Variants in CTIF observed in about 807,000 individuals in gnomAD.
CTIF encodes cap binding complex dependent translation initiation factor.
Under a neutral mutation model 66.0 loss-of-function variants are expected in CTIF, and 21 were observed. The observed-to-expected ratio is 0.32, with a 90% CI of 0.23 to 0.46. CTIF has a LOEUF of 0.46. CTIF is among the 20% of genes least tolerant of loss of function. CTIF has a pLI of 1.00. For missense variants in CTIF, 739 were observed against 812.7 expected (o/e 0.91, Z 1.10); for synonymous variants, 345 against 326.4 (o/e 1.06, Z -0.62).
chr18:48,660,111 C>T (rs1169324141), intron 3 of CTIF, among the ~76,000 whole-genome samples: 2 of 131,508 alleles, frequency 1.5e-5, no homozygotes, highest in African/African-American at 2.9e-5. Flanking sequence ...CCAGGCTCCT[C>T]TGGGAATGGC....
chr18:48,785,924 C>T (rs1316100132), intron 9 of CTIF, among the ~76,000 whole-genome samples: 3 of 152,140 alleles, frequency 2.0e-5, no homozygotes, highest in Non-Finnish European at 4.4e-5. Flanking sequence ...ACCACTGCCC[C>T]CACCCATTTG....
rs1336196869 is a variant in CTIF, at chr18:48,762,499, GGTCCTGGGACT to G, written c.1371+816_1371+826del. Reference sequence around the variant, plus strand: ...GGGTCATGGGATGGTGGCCACATCAGGTCCTGGGACTGTCCTTGGAGACTCTTGGCTGGGGG... The same window carrying G: ...GGGTCATGGGATGGTGGCCACATCAGGTCCTTGGAGACTCTTGGCTGGGGG... On this transcript the variant is annotated intron_variant, in intron 9 of 11. Coordinates refer to ENST00000256413, the MANE Select transcript of CTIF (RefSeq NM_014772.3). Among the ~76,000 whole-genome samples the G allele has an allele frequency of 3.9e-5, 6 of 152,244 alleles. No homozygotes were observed. In the South Asian group the frequency reaches 8.3e-4, roughly 21 times the overall value.
chr18:48,745,090 G>A (rs535804532), intron 7 of CTIF, among the ~76,000 whole-genome samples: 61 of 152,202 alleles, frequency 4.0e-4, no homozygotes, highest in African/African-American at 1.4e-3. Context: ...CCAAAGTGCT[G>A]GGATTACAGG....
intron 1 of CTIF, among the ~76,000 whole-genome samples, chr18:48,550,648 G>C (rs957219730): frequency 4.6e-5 from 7 of 152,060 alleles, no homozygotes; most frequent in African/African-American, 1.7e-4. Context: ...ACAGTCTGTG[G>C]GTTGCTAGAG....
chr18:48,621,820 G>T (rs1013677176), intron 2 of CTIF, among the ~76,000 whole-genome samples: 2 of 152,184 alleles, frequency 1.3e-5, no homozygotes, highest in African/African-American at 4.8e-5. Context: ...GAGACATGTG[G>T]TGGTATTTGG....
intron 10 of CTIF, among the ~76,000 whole-genome samples, chr18:48,857,031 G>A (rs1003587197): frequency 1.3e-5 from 2 of 152,180 alleles, no homozygotes; most frequent in African/African-American, 4.8e-5. Flanking sequence ...CCCTAGTTAG[G>A]AAACAGTTCC....
At chr18:48,654,683 G>A (rs2091214111) in intron 3 of CTIF, among the ~76,000 whole-genome samples, 1 of 152,180 alleles carries the variant, frequency 6.6e-6, no homozygotes, top group Non-Finnish European at 1.5e-5. Context: ...ACGTATGTTT[G>A]TTGCGGCACT....
rs148708123 is a variant in CTIF at position 48,843,386 on chromosome 18, G to C, written c.1528-14202G>C. Among the ~76,000 whole-genome samples the C allele has an allele frequency of 2.0e-5, 3 of 152,106 alleles. No individual in the cohort carries two copies. In the East Asian group the frequency reaches 5.8e-4, roughly 29 times the overall value. Reference sequence around the variant, plus strand: ...ACCATAACTCCATCCTGTTCCCTGCGGAGTGGGGAGGGCTTGCAGGCTCAG... The same window carrying C: ...ACCATAACTCCATCCTGTTCCCTGCCGAGTGGGGAGGGCTTGCAGGCTCAG... On this transcript the variant is annotated intron_variant, in intron 10 of 11. Coordinates refer to ENST00000256413, the MANE Select transcript of CTIF (RefSeq NM_014772.3).
Position 48,761,385 on chromosome 18 carries a change from C to T in CTIF, c.1072-5C>T, listed in dbSNP as rs371941280. The T allele has an allele frequency of 6.2e-7, 1 of 1,611,804 alleles. No homozygotes were observed. The highest frequency in any genetic ancestry group is 8.5e-7 in the Non-Finnish European group (1 of 1,178,540). ...GGCACATTCATTTGTCTCCGACACCCCCAGGATGAAGTGGCCGTGGAGACG... is the reference window on the plus strand; with the variant it reads ...GGCACATTCATTTGTCTCCGACACCTCCAGGATGAAGTGGCCGTGGAGACG... On this transcript the variant is annotated splice_region_variant and splice_polypyrimidine_tract_variant and intron_variant, in intron 8 of 11. Transcript: ENST00000256413. The surrounding 1 kb of genome is among the most constrained non-coding windows in gnomAD (Gnocchi z 4.2).
intron 10 of CTIF, among the ~76,000 whole-genome samples, chr18:48,818,961 G>A (rs1267452837): frequency 6.6e-6 from 1 of 152,152 alleles, no homozygotes; most frequent in Non-Finnish European, 1.5e-5. Context: ...CATCTTTATG[G>A]TTTTGAAAGA....
chr18:48,845,571 C>T (rs1475736347), intron 10 of CTIF, among the ~76,000 whole-genome samples: 2 of 152,122 alleles, frequency 1.3e-5, no homozygotes, highest in Non-Finnish European at 2.9e-5. Flanking sequence ...GAGCCCCTGC[C>T]GTCTTCTCTT....
intron 1 of CTIF, among the ~76,000 whole-genome samples, chr18:48,573,925 G>A (rs1021295401): frequency 4.0e-5 from 6 of 151,708 alleles, no homozygotes; most frequent in African/African-American, 7.3e-5. Context: ...TGACACCCCT[G>A]GTGGCTGGTG....
chr18:48,824,271 A>G (rs80194611), intron 10 of CTIF, among the ~76,000 whole-genome samples: 11,788 of 152,292 alleles, frequency 0.077, 746 homozygotes, highest in East Asian at 0.32. Flanking sequence ...ATTTTATAAT[A>G]GCATTCTAAG....
intron 1 of CTIF, among the ~76,000 whole-genome samples, chr18:48,601,353 A>G (rs1033279101): frequency 6.6e-6 from 1 of 152,166 alleles, no homozygotes; most frequent in African/African-American, 2.4e-5. Context: ...CAGCCTTCTG[A>G]TCTCTATATA....
At chr18:48,771,564 A>G (rs765198379) in intron 9 of CTIF, among the ~76,000 whole-genome samples, 103 of 152,082 alleles carry the variant, frequency 6.8e-4, no homozygotes, top group East Asian at 1.2e-3. Context: ...CCCCCCACCC[A>G]GGGTTCATTT....
chr18:48,629,996 ACC>A (rs1250676547), intron 2 of CTIF, among the ~76,000 whole-genome samples: 1 of 152,142 alleles, frequency 6.6e-6, no homozygotes, highest in Non-Finnish European at 1.5e-5. Flanking sequence ...GGTTTTAGTT[ACC>A]CACGGTCAAC....
intron 2 of CTIF, among the ~76,000 whole-genome samples, chr18:48,633,220 C>G (rs1425432542): frequency 3.9e-5 from 6 of 152,186 alleles, no homozygotes; most frequent in Non-Finnish European, 8.8e-5. Flanking sequence ...CAAGCATGGC[C>G]TCATGTTCCC....
At chr18:48,748,584 G>A (rs934287258) in intron 7 of CTIF, among the ~76,000 whole-genome samples, 4 of 152,264 alleles carry the variant, frequency 2.6e-5, no homozygotes, top group African/African-American at 2.4e-5. Flanking sequence ...TGTGAGGTCC[G>A]TTTGATTGAT....
intron 7 of CTIF, among the ~76,000 whole-genome samples, chr18:48,752,444 TA>T (rs1427348563): frequency 2.0e-5 from 3 of 152,214 alleles, no homozygotes; most frequent in African/African-American, 7.2e-5. Flanking sequence ...AGATCTCCAA[TA>T]AGTAATTGTT....
Sources: gnomAD v4.1 joint callset for allele counts (sites outside exome capture counted in the v4.1 genomes callset) on GRCh38, gnomAD v4.1.1 for gene constraint, Gnocchi (gnomAD v3.1) non-coding constraint, MANE v1.5 for transcripts, NCBI Gene and HGNC (gene_info 2026-07-23, HGNC 2026-07-21) for gene names.